The following ADD3 variants were observed in gnomAD, a reference collection of about 807,000 sequenced individuals.
ADD3 encodes gamma-adducin.
Under a neutral mutation model 80.2 loss-of-function variants are expected in ADD3, and 25 were observed. That is an observed-to-expected ratio of 0.31 (90% CI 0.23 to 0.44). The LOEUF (loss-of-function observed/expected upper bound fraction) is 0.44. Among genes scored for constraint, ADD3 ranks in the 20% least tolerant of loss-of-function variants. The pLI, the probability that ADD3 is intolerant of heterozygous loss-of-function variation, is 1.00. For synonymous variants in ADD3, 284 were observed against 289.6 expected, an observed-to-expected ratio of 0.98 and a Z score of 0.20; for missense variants, 829 against 847.5, an observed-to-expected ratio of 0.98 and a Z score of 0.27.
intron 2 of ADD3, 104 bp downstream of exon 2, chr10:110,100,952 G>A: frequency 9.3e-7 from 1 of 1,070,474 alleles, no homozygotes; most frequent in Non-Finnish European, 1.3e-6. Flanking sequence ...GAGGGGTGGA[G>A]GAGGAGTGGT....
chr10:110,016,170 T>C (rs946184800), intron 1 of ADD3, among the ~76,000 whole-genome samples: 2 of 152,166 alleles, frequency 1.3e-5, no homozygotes, highest in African/African-American at 4.8e-5. Context: ...TGGGGCTGTT[T>C]AATTTGGGCT....
chr10:110,118,872 G>C, intron 6 of ADD3, 136 bp downstream of exon 6: 1 of 905,780 alleles, frequency 1.1e-6, no homozygotes, highest in Non-Finnish European at 1.6e-6. Context: ...GAAAGCAAAA[G>C]GCCTTTGGGA....
chr10:110,099,432 G>C (rs964037195), intron 1 of ADD3, among the ~76,000 whole-genome samples: 1 of 151,968 alleles, frequency 6.6e-6, no homozygotes, highest in African/African-American at 2.4e-5. Context: ...CCATAACTTA[G>C]AGTTTCTAGG....
At chr10:109,996,743 G>T (rs922474591) in intron 1 of ADD3, among the ~76,000 whole-genome samples, 2 of 152,198 alleles carry the variant, frequency 1.3e-5, no homozygotes, top group South Asian at 4.1e-4. Flanking sequence ...GGGCTTAGTA[G>T]AAACTATGAA....
chr10:110,004,330 C>G (rs1327448510), upstream of ADD3, among the ~76,000 whole-genome samples: 1 of 150,870 alleles, frequency 6.6e-6, no homozygotes, highest in Admixed American at 6.6e-5. Flanking sequence ...GTCAGGAGAT[C>G]GAGACCATCC....
chr10:110,132,820 G>T, intron 14 of ADD3: 1 of 160,318 alleles, frequency 6.2e-6, no homozygotes, highest in South Asian at 1.7e-4. Context: ...CCAGCTACTC[G>T]GGAGGCTGAG....
chr10:110,005,071 A>AT (rs938715002), upstream of ADD3, among the ~76,000 whole-genome samples: 43 of 151,150 alleles, frequency 2.8e-4, no homozygotes, highest in South Asian at 6.3e-4. Flanking sequence ...ATTTTATTTT[A>AT]TTTTTTTTTG....
chr10:110,064,152 A>G (rs577868016), intron 1 of ADD3, among the ~76,000 whole-genome samples: 4 of 152,246 alleles, frequency 2.6e-5, no homozygotes, highest in East Asian at 1.9e-4. Flanking sequence ...GATAATGGTC[A>G]TTCAGATTGT....
intron 12 of ADD3, 70 bp from the exon 13 acceptor site, chr10:110,130,293 G>A (rs1389193427): frequency 7.5e-6 from 11 of 1,470,798 alleles, no homozygotes; most frequent in Admixed American, 7.0e-5. Context: ...TGTGTATATA[G>A]ATGGATGGAT....
chr10:110,063,342 G>A (rs1197323659), intron 1 of ADD3, among the ~76,000 whole-genome samples: 6 of 152,202 alleles, frequency 3.9e-5, no homozygotes, highest in Admixed American at 2.6e-4. Context: ...GAGTTAAGTA[G>A]TGTACTGATT....
chr10:110,007,567 CCCCTCTGG>C (rs1370496121), upstream of ADD3, among the ~76,000 whole-genome samples: 1 of 152,168 alleles, frequency 6.6e-6, no homozygotes, highest in Non-Finnish European at 1.5e-5. Context: ...GGGTCGTTTC[CCCCTCTGG>C]CCCTCCGGGG....
chr10:110,035,351 T>C (rs1391196570), intron 1 of ADD3, among the ~76,000 whole-genome samples: 1 of 152,134 alleles, frequency 6.6e-6, no homozygotes, highest in African/African-American at 2.4e-5. Flanking sequence ...CATCCCATGT[T>C]TTAAAGAAAT....
At chr10:110,021,295 AGTCTGGCT>A (rs1271266798) in intron 1 of ADD3, among the ~76,000 whole-genome samples, 14 of 152,360 alleles carry the variant, frequency 9.2e-5, no homozygotes, top group African/African-American at 2.9e-4. Flanking sequence ...AAAATGGAAC[AGTCTGGCT>A]GTTCCTCAGA....
intron 14 of ADD3, chr10:110,132,650 G>T: frequency 2.5e-6 from 1 of 397,324 alleles, no homozygotes; most frequent in Non-Finnish European, 4.6e-6. Flanking sequence ...GGAATTGGCT[G>T]GGCGCGGTGG....
At chr10:110,070,988 G>GT (rs1462498456) in intron 1 of ADD3, among the ~76,000 whole-genome samples, 1 of 97,594 alleles carries the variant, frequency 1.0e-5, no homozygotes, top group Non-Finnish European at 1.9e-5. Context: ...TTTTGGGGGG[G>GT]GGGGGTGGGG....
intron 1 of ADD3, among the ~76,000 whole-genome samples, chr10:110,008,543 G>A (rs751153117): frequency 2.0e-5 from 3 of 152,170 alleles, no homozygotes; most frequent in Non-Finnish European, 2.9e-5. Flanking sequence ...GGGAGGGTCC[G>A]GGGGTGGCGG....
chr10:110,113,872 CAG>C (rs1850356866), intron 3 of ADD3, among the ~76,000 whole-genome samples: 1 of 152,106 alleles, frequency 6.6e-6, no homozygotes, highest in South Asian at 2.1e-4. Context: ...GAAGTGCAGT[CAG>C]AGAGCTTAGG....
At chr10:110,062,122 G>A (rs1858972028) in intron 1 of ADD3, among the ~76,000 whole-genome samples, 1 of 137,472 alleles carries the variant, frequency 7.3e-6, no homozygotes, top group Non-Finnish European at 1.5e-5. Flanking sequence ...CAGCACTTTG[G>A]GAGGCCGAGG....
At chr10:110,007,909 CG>C (rs1282024091), upstream of ADD3, 5 of 83,578 alleles carry the variant, frequency 6.0e-5, no homozygotes, top group East Asian at 1.8e-3. Flanking sequence ...CCGGGGGGGG[CG>C]CTTGGGGACC....
Sources: allele counts gnomAD v4.1 joint callset (sites outside exome capture counted in the v4.1 genomes callset), GRCh38; gene constraint gnomAD v4.1.1; transcripts MANE v1.5; gene names NCBI Gene and HGNC (gene_info 2026-07-23, HGNC 2026-07-21).